The following ROR1 variants were observed in gnomAD, a reference collection of about 807,000 sequenced individuals.
ROR1 encodes inactive tyrosine-protein kinase transmembrane receptor ROR1.
Under a neutral mutation model 78.8 loss-of-function variants are expected in ROR1, and 19 were observed. The ratio of observed to expected loss-of-function variants is 0.24; its 90% CI spans 0.17 to 0.35. ROR1 has a LOEUF of 0.35. ROR1 is among the 10% of genes least tolerant of loss of function. ROR1 has a pLI of 1.00. For missense variants in ROR1, 917 were observed against 1,177.8 expected (o/e 0.78, Z 3.24); for synonymous variants, 386 against 433.6 (o/e 0.89, Z 1.36).
intron 4 of ROR1, among the ~76,000 whole-genome samples, chr1:64,133,606 C>T (rs10889464): frequency 0.23 from 35,493 of 152,142 alleles, 4,763 homozygotes; most frequent in African/African-American, 0.37. Context: ...GAAACATGAG[C>T]TCCCATCACA....
intron 4 of ROR1, among the ~76,000 whole-genome samples, chr1:64,128,476 A>G (rs1313136736): frequency 3.3e-5 from 5 of 151,996 alleles, no homozygotes; most frequent in Non-Finnish European, 2.9e-5. Flanking sequence ...CTCAAAAAAT[A>G]AAGAAAAATG....
intron 1 of ROR1, among the ~76,000 whole-genome samples, chr1:63,818,598 C>T (rs1344756458): frequency 6.6e-6 from 1 of 152,160 alleles, no homozygotes; most frequent in African/African-American, 2.4e-5. Flanking sequence ...AAGTACAGTG[C>T]TTAGAACAAT....
intron 1 of ROR1, among the ~76,000 whole-genome samples, chr1:63,849,628 G>A (rs1334973390): frequency 6.6e-6 from 1 of 152,126 alleles, no homozygotes; most frequent in African/African-American, 2.4e-5. Flanking sequence ...AGCCCAGGAC[G>A]TCAAGGCTGC....
At chr1:64,135,679 A>G (rs1211707707) in intron 4 of ROR1, among the ~76,000 whole-genome samples, 1 of 152,204 alleles carries the variant, frequency 6.6e-6, no homozygotes, top group African/African-American at 2.4e-5. Flanking sequence ...AGGCTTCAGC[A>G]TTACTCTAGG....
intron 1 of ROR1, among the ~76,000 whole-genome samples, chr1:63,992,244 C>T (rs567447006): frequency 1.3e-5 from 2 of 151,792 alleles, no homozygotes; most frequent in African/African-American, 4.8e-5. Flanking sequence ...CTTGCTCTGT[C>T]GCCAGGCTGG....
At chr1:63,959,812 C>A (rs1646013615) in intron 1 of ROR1, among the ~76,000 whole-genome samples, 1 of 152,182 alleles carries the variant, frequency 6.6e-6, no homozygotes, top group South Asian at 2.1e-4. Context: ...TGTGCCAAAT[C>A]CCCTGCCTTG....
chr1:64,140,527 A>G, intron 6 of ROR1, 101 bp downstream of exon 6: 1 of 1,104,610 alleles, frequency 9.1e-7, no homozygotes, highest in East Asian at 2.5e-5. Flanking sequence ...CATACTGTTA[A>G]TCAAATTATT....
intron 1 of ROR1, among the ~76,000 whole-genome samples, chr1:63,919,584 C>G (rs1281345325): frequency 1.3e-5 from 2 of 150,750 alleles, no homozygotes. Flanking sequence ...ACAGAGACAG[C>G]AGAGCATAAT....
intron 4 of ROR1, among the ~76,000 whole-genome samples, chr1:64,099,648 G>A (rs1647441023): frequency 1.3e-5 from 2 of 152,194 alleles, no homozygotes; most frequent in Non-Finnish European, 2.9e-5. Flanking sequence ...TGCAGATTGA[G>A]TAATGTCTTT....
At chr1:64,093,764 A>G (rs1408666249) in intron 4 of ROR1, among the ~76,000 whole-genome samples, 2 of 152,052 alleles carry the variant, frequency 1.3e-5, no homozygotes, top group African/African-American at 4.8e-5. Flanking sequence ...AGACTGCAAC[A>G]CTTCTAAATC....
At chr1:63,819,285 A>G (rs1428189915) in intron 1 of ROR1, among the ~76,000 whole-genome samples, 1 of 152,088 alleles carries the variant, frequency 6.6e-6, no homozygotes, top group Non-Finnish European at 1.5e-5. Context: ...GCCTCCTTAG[A>G]CCTATACAAG....
At chr1:64,006,372 C>G (rs1224717956) in intron 1 of ROR1, among the ~76,000 whole-genome samples, 1 of 152,068 alleles carries the variant, frequency 6.6e-6, no homozygotes, top group Non-Finnish European at 1.5e-5. Flanking sequence ...CCGCAGCAGT[C>G]CATACTACTG....
chr1:64,062,591 A>G (rs972173689), intron 4 of ROR1, among the ~76,000 whole-genome samples: 1 of 152,140 alleles, frequency 6.6e-6, no homozygotes, highest in African/African-American at 2.4e-5. Context: ...GATTACAGGC[A>G]TGAGCCACTG....
chr1:64,021,892 T>C (rs1377023776), intron 2 of ROR1, among the ~76,000 whole-genome samples: 1 of 152,206 alleles, frequency 6.6e-6, no homozygotes, highest in Non-Finnish European at 1.5e-5. Flanking sequence ...GTAAAACTCA[T>C]ATATACCCCC....
intron 1 of ROR1, among the ~76,000 whole-genome samples, chr1:63,779,830 C>G (rs965251790): frequency 2.0e-5 from 3 of 152,044 alleles, no homozygotes; most frequent in African/African-American, 4.8e-5. Flanking sequence ...GCCACACCCC[C>G]CAGAACACCC....
chr1:63,867,279 C>T (rs1159496304), intron 1 of ROR1, among the ~76,000 whole-genome samples: 1 of 152,160 alleles, frequency 6.6e-6, no homozygotes, highest in Non-Finnish European at 1.5e-5. Context: ...GAGTGTTAGA[C>T]CAGGTGGTTT....
chr1:63,875,266 A>G (rs918477362), intron 1 of ROR1, among the ~76,000 whole-genome samples: 3 of 152,178 alleles, frequency 2.0e-5, no homozygotes, highest in Non-Finnish European at 2.9e-5. Flanking sequence ...CTGGAGTGAA[A>G]TAAGCACTCT....
At chr1:64,028,764 T>G (rs1646636532) in intron 2 of ROR1, 1 of 152,228 alleles carries the variant, frequency 6.6e-6, no homozygotes, top group African/African-American at 2.4e-5. Context: ...ATCTATTCCC[T>G]TAAGCATTTA....
chr1:63,947,111 C>T (rs1014922428), intron 1 of ROR1, among the ~76,000 whole-genome samples: 3 of 152,186 alleles, frequency 2.0e-5, no homozygotes, highest in Non-Finnish European at 4.4e-5. Context: ...ACTGCTGTCT[C>T]GGTTCCACGG....
Sources: gnomAD v4.1 joint callset for allele counts (sites outside exome capture counted in the v4.1 genomes callset) on GRCh38, gnomAD v4.1.1 for gene constraint, MANE v1.5 for transcripts, NCBI Gene and HGNC (gene_info 2026-07-23, HGNC 2026-07-21) for gene names.